The following TYW1B variants were observed in gnomAD, a reference collection of about 807,000 sequenced individuals.
TYW1B encodes the protein tRNA-yW synthesizing protein 1 homolog B.
In TYW1B, 73 loss-of-function variants were observed where a neutral mutation model predicts 86.9. That is an observed-to-expected ratio of 0.84 (90% confidence interval 0.70 to 1.02). The LOEUF (loss-of-function observed/expected upper bound fraction) is 1.02, where lower values mean the gene tolerates loss of function less well. Among genes scored for constraint, TYW1B ranks in the 50% least tolerant of loss-of-function variants. The pLI is 0.00. For missense variants in TYW1B, 637 were observed against 827.4 expected, an observed-to-expected ratio of 0.77 and a Z score of 2.82; for synonymous variants, 248 against 292.8, an observed-to-expected ratio of 0.85 and a Z score of 1.56.
intron 11 of TYW1B, among the ~76,000 whole-genome samples, chr7:72,690,066 A>G (rs1357705181): frequency 6.6e-6 from 1 of 152,214 alleles, no homozygotes; most frequent in Non-Finnish European, 1.5e-5. Context: ...GCCAATGGTC[A>G]TTGTTAAGGT....
At chr7:72,642,759 G>A (rs1274662305) in intron 11 of TYW1B, among the ~76,000 whole-genome samples, 4 of 152,094 alleles carry the variant, frequency 2.6e-5, no homozygotes, top group Admixed American at 6.6e-5. Context: ...AAATTAGCTC[G>A]GTGTGGTGGA....
intron 9 of TYW1B, among the ~76,000 whole-genome samples, chr7:72,719,631 C>CCAA (rs1332010584): frequency 9.2e-5 from 6 of 65,056 alleles, no homozygotes; most frequent in Non-Finnish European, 1.6e-4. Context: ...ATTCCGTCTC[C>CCAA]AAAAAAAAAA....
At chr7:72,671,690 A>C (rs533619356) in intron 11 of TYW1B, among the ~76,000 whole-genome samples, 1 of 151,534 alleles carries the variant, frequency 6.6e-6, no homozygotes, top group Non-Finnish European at 1.5e-5. Context: ...CTATTTTCTT[A>C]TTTTCTATTG....
chr7:72,690,717 T>G (rs1267371042), intron 11 of TYW1B, among the ~76,000 whole-genome samples: 3 of 152,230 alleles, frequency 2.0e-5, no homozygotes, highest in Admixed American at 6.5e-5. Flanking sequence ...TTATTTATAG[T>G]AATCTGGTAT....
chr7:72,653,852 C>A (rs1240007236), intron 11 of TYW1B, among the ~76,000 whole-genome samples: 3 of 152,188 alleles, frequency 2.0e-5, no homozygotes, highest in Middle Eastern at 3.4e-3. Flanking sequence ...GAGGCCGAAG[C>A]GGGTGGATCA....
intron 8 of TYW1B, among the ~76,000 whole-genome samples, chr7:72,738,829 G>A (rs1368922380): frequency 1.3e-5 from 2 of 152,122 alleles, no homozygotes; most frequent in Non-Finnish European, 2.9e-5. Context: ...TCAGCACTTT[G>A]GGAGGCTAAG....
intron 6 of TYW1B, among the ~76,000 whole-genome samples, chr7:72,787,459 T>A (rs1788148379): frequency 1.2e-5 from 1 of 83,478 alleles, no homozygotes; most frequent in Non-Finnish European, 3.0e-5. Context: ...TGAGACTCCA[T>A]CTCAAAAAAA....
chr7:72,621,168 G>C (rs114622356), intron 12 of TYW1B, among the ~76,000 whole-genome samples: 1,897 of 152,232 alleles, frequency 0.012, 38 homozygotes, highest in African/African-American at 0.041. Context: ...CCGTCTGTCT[G>C]TCTCTCTTTC....
At chr7:72,773,423 C>T (rs200653765) in intron 7 of TYW1B, among the ~76,000 whole-genome samples, 2 of 152,172 alleles carry the variant, frequency 1.3e-5, no homozygotes, top group African/African-American at 4.8e-5. Flanking sequence ...ATAGGAAACA[C>T]TTAAGGTGAG....
intron 13 of TYW1B, among the ~76,000 whole-genome samples, chr7:72,604,860 C>T (rs1554434480): frequency 1.3e-5 from 2 of 152,168 alleles, no homozygotes; most frequent in Non-Finnish European, 1.5e-5. Flanking sequence ...GCTCATTTAC[C>T]TGAACGTGAG....
At chr7:72,748,320 T>C (rs1787432204) in intron 7 of TYW1B, among the ~76,000 whole-genome samples, 1 of 152,230 alleles carries the variant, frequency 6.6e-6, no homozygotes, top group African/African-American at 2.4e-5. Flanking sequence ...TATTGTATCC[T>C]GTGACCTTGC....
At chr7:72,793,698 T>C (rs532433576) in intron 6 of TYW1B, among the ~76,000 whole-genome samples, 1 of 150,374 alleles carries the variant, frequency 6.7e-6, no homozygotes, top group African/African-American at 2.5e-5. Flanking sequence ...GAGGTCGTAT[T>C]GAGCCAAGAT....
At chr7:72,739,756 G>A (rs1222372052) in intron 8 of TYW1B, among the ~76,000 whole-genome samples, 2 of 144,754 alleles carry the variant, frequency 1.4e-5, no homozygotes, top group African/African-American at 5.1e-5. Flanking sequence ...CTAATGTGGT[G>A]AACTGGAGCA....
chr7:72,697,031 T>A (rs1187182438), intron 10 of TYW1B, among the ~76,000 whole-genome samples: 3 of 137,950 alleles, frequency 2.2e-5, no homozygotes, highest in Admixed American at 7.6e-5. Flanking sequence ...GATTTCTACT[T>A]AAAAAAAAAA....
Position 72,632,733 on chromosome 7 carries a change from G to A in TYW1B, c.1507-3736C>T, listed in dbSNP as rs544894123. Among the ~76,000 whole-genome samples the A allele has an allele frequency of 2.7e-5, 4 of 150,658 alleles. No individual in the cohort carries two copies. The East Asian group carries it at 7.8e-4, about 30-fold the overall frequency. ...TGCAATTACTCAGCCCTTACTATGT[G>A]GCAGCTGTTGTTATAAAGTGCTTTG... On this transcript the variant is annotated intron_variant, in intron 11 of 13. Coordinates refer to ENST00000620995, the MANE Select transcript of TYW1B (RefSeq NM_001145440.3).
At chr7:72,619,643 G>A (rs1193280830) in intron 12 of TYW1B, among the ~76,000 whole-genome samples, 4 of 122,398 alleles carry the variant, frequency 3.3e-5, no homozygotes, top group Non-Finnish European at 6.5e-5. Context: ...GCAAGACTCC[G>A]TCTCAAAAAA....
chr7:72,825,927 G>A (rs186971791), intron 2 of TYW1B, among the ~76,000 whole-genome samples: 22 of 152,244 alleles, frequency 1.4e-4, no homozygotes, highest in Non-Finnish European at 2.2e-4. Context: ...GCCTACCATC[G>A]CAGAAAGGAA....
chr7:72,776,168 T>A (rs1303599025), intron 7 of TYW1B, among the ~76,000 whole-genome samples: 2 of 151,798 alleles, frequency 1.3e-5, no homozygotes, highest in Non-Finnish European at 2.9e-5. Flanking sequence ...AAAGTAAAAG[T>A]AAAATGTGTG....
chr7:72,645,387 A>T (rs2129569105), intron 11 of TYW1B, among the ~76,000 whole-genome samples: 1 of 152,324 alleles, frequency 6.6e-6, no homozygotes, highest in Admixed American at 6.5e-5. Flanking sequence ...CTATCTACTA[A>T]TGATGACTGA....
Sources: allele counts gnomAD v4.1 joint callset (sites outside exome capture counted in the v4.1 genomes callset), GRCh38; gene constraint gnomAD v4.1.1; transcripts MANE v1.5; gene names NCBI Gene and HGNC (gene_info 2026-07-23, HGNC 2026-07-21).